The following ROR1 variants were observed in gnomAD, a reference collection of about 807,000 sequenced individuals.
The protein encoded by ROR1 is ROR family WNT receptor 1.
In ROR1, 19 loss-of-function variants were observed where a neutral mutation model predicts 78.8. That is an observed-to-expected ratio of 0.24 (90% CI 0.17 to 0.35). The LOEUF (loss-of-function observed/expected upper bound fraction) is 0.35. Ranked by LOEUF, ROR1 falls within the 10% of genes least tolerant of loss-of-function variation. The pLI is 1.00. For synonymous variants in ROR1, 386 were observed against 433.6 expected (o/e 0.89, Z 1.36); for missense variants, 917 against 1,177.8 (o/e 0.78, Z 3.24).
intron 1 of ROR1, among the ~76,000 whole-genome samples, chr1:63,877,643 G>A (rs1269009198): frequency 1.3e-5 from 2 of 152,032 alleles, no homozygotes; most frequent in Non-Finnish European, 1.5e-5. Flanking sequence ...TAAGTAAATA[G>A]CATTGCTTCT....
intron 1 of ROR1, among the ~76,000 whole-genome samples, chr1:63,935,198 C>G (rs564836427): frequency 6.6e-6 from 1 of 152,238 alleles, no homozygotes; most frequent in East Asian, 1.9e-4. Flanking sequence ...TGCTCCTGGA[C>G]AGCAAGAGTT....
At chr1:64,159,486 G>A (rs4495749) in intron 8 of ROR1, among the ~76,000 whole-genome samples, 35,554 of 151,952 alleles carry the variant, frequency 0.23, 4,965 homozygotes, top group Admixed American at 0.31. Flanking sequence ...GACTCAGAAC[G>A]TGAGCAATTT....
At chr1:63,968,349 A>T (rs1212951537) in intron 1 of ROR1, among the ~76,000 whole-genome samples, 44 of 152,258 alleles carry the variant, frequency 2.9e-4, no homozygotes, top group Non-Finnish European at 5.9e-5. Context: ...ATTTTGTTCC[A>T]CCTCAGCTAT....
chr1:63,776,180 T>C (rs1207888860), intron 1 of ROR1, among the ~76,000 whole-genome samples: 1 of 152,254 alleles, frequency 6.6e-6, no homozygotes, highest in East Asian at 1.9e-4. Context: ...GTACTTCACC[T>C]TTCAACAATA....
At chr1:63,803,975 G>T (rs1644811968) in intron 1 of ROR1, among the ~76,000 whole-genome samples, 1 of 152,042 alleles carries the variant, frequency 6.6e-6, no homozygotes, top group Admixed American at 6.5e-5. Context: ...ATGTTTTACT[G>T]GGTAAAAAAT....
At chr1:63,852,433 C>T (rs1328930468) in intron 1 of ROR1, among the ~76,000 whole-genome samples, 1 of 152,224 alleles carries the variant, frequency 6.6e-6, no homozygotes, top group African/African-American at 2.4e-5. Flanking sequence ...TTCTGATCTT[C>T]AAAGAGGGCT....
rs1322325510 is a variant in ROR1, at chr1:64,142,472, C to T, written c.996C>T (p.Arg332=). The part of the protein sequence containing the change: ...RGTVSVTKSG[R]QCQPWNSQYP... ...CCGTCAGTGTGACCAAATCAGGGCG[C>T]CAGTGCCAGCCATGGAATTCCCAGT... Residue 332 remains arginine (R), a synonymous_variant, in exon 7 of 9, where the codon CGC becomes CGT. Transcript: ENST00000371079. The T allele has an allele frequency of 6.2e-7, 1 of 1,614,030 alleles. No individual in the cohort carries two copies. Among genetic ancestry groups the T allele is most frequent in the Non-Finnish European group, 8.5e-7 (1 of 1,180,022 alleles).
intron 1 of ROR1, among the ~76,000 whole-genome samples, chr1:63,824,333 A>G (rs1434790685): frequency 2.6e-5 from 4 of 152,274 alleles, no homozygotes; most frequent in Non-Finnish European, 5.9e-5. Context: ...TAAACAAATG[A>G]GCATGGCTTT....
intron 1 of ROR1, among the ~76,000 whole-genome samples, chr1:63,931,098 A>G (rs1645749287): frequency 6.6e-6 from 1 of 152,182 alleles, no homozygotes; most frequent in South Asian, 2.1e-4. Flanking sequence ...TCTGGTCAGC[A>G]TAGCAAAACC....
intron 4 of ROR1, among the ~76,000 whole-genome samples, chr1:64,056,460 A>C (rs1349077397): frequency 1.3e-5 from 2 of 151,944 alleles, no homozygotes; most frequent in African/African-American, 4.8e-5. Context: ...GGATCACCTG[A>C]GATCTGGAGT....
intron 4 of ROR1, among the ~76,000 whole-genome samples, chr1:64,077,090 C>T (rs1322376943): frequency 1.3e-5 from 2 of 152,128 alleles, no homozygotes; most frequent in Admixed American, 6.5e-5. Context: ...ATATGCAAAG[C>T]ACATAGTACG....
At chr1:64,122,211 T>G (rs1379555511) in intron 4 of ROR1, among the ~76,000 whole-genome samples, 1 of 152,198 alleles carries the variant, frequency 6.6e-6, no homozygotes, top group Non-Finnish European at 1.5e-5. Context: ...TTACACTGTA[T>G]CCTAAAAACA....
At chr1:63,775,258 T>C (rs620019) in intron 1 of ROR1, 13,634 of 152,256 alleles carry the variant, frequency 0.09, 651 homozygotes, top group Non-Finnish European at 0.11. Flanking sequence ...TGGTAATCTC[T>C]AAAGACAATC....
intron 4 of ROR1, among the ~76,000 whole-genome samples, chr1:64,125,588 C>T (rs1648683234): frequency 1.3e-5 from 2 of 152,110 alleles, no homozygotes; most frequent in South Asian, 4.1e-4. Flanking sequence ...GATTGTGAAG[C>T]CTTTTCATTT....
At chr1:64,078,065 A>G (rs1247383027) in intron 4 of ROR1, among the ~76,000 whole-genome samples, 3 of 152,220 alleles carry the variant, frequency 2.0e-5, no homozygotes, top group Non-Finnish European at 4.4e-5. Context: ...AACCTGGAGA[A>G]GCAGAAACAG....
chr1:64,109,072 A>G (rs1647965024), intron 4 of ROR1, among the ~76,000 whole-genome samples: 1 of 152,058 alleles, frequency 6.6e-6, no homozygotes, highest in East Asian at 1.9e-4. Context: ...TTCTGATACA[A>G]ACCCCCGGCT....
intron 1 of ROR1, among the ~76,000 whole-genome samples, chr1:63,976,572 T>C (rs1204172011): frequency 6.6e-6 from 1 of 152,186 alleles, no homozygotes; most frequent in Non-Finnish European, 1.5e-5. Flanking sequence ...TATAAAACCA[T>C]AACCAACTTT....
At chr1:64,142,676 G>A (rs1220955053) in intron 7 of ROR1, 26 bp downstream of exon 7, 2 of 1,612,248 alleles carry the variant, frequency 1.2e-6, no homozygotes, top group Non-Finnish European at 8.5e-7. Flanking sequence ...TGCCCCTAAT[G>A]TATTCAATCA....
chr1:63,856,766 T>C (rs879649617), intron 1 of ROR1, among the ~76,000 whole-genome samples: 17 of 152,312 alleles, frequency 1.1e-4, no homozygotes, highest in Non-Finnish European at 2.5e-4. Context: ...ACAATTATCC[T>C]GTTACTCCAA....
Sources: allele counts gnomAD v4.1 joint callset (sites outside exome capture counted in the v4.1 genomes callset), GRCh38; gene constraint gnomAD v4.1.1; transcripts MANE v1.5; gene names NCBI Gene and HGNC (gene_info 2026-07-23, HGNC 2026-07-21).